Variants in PLAC8 observed in about 807,000 individuals in gnomAD.
PLAC8 encodes placenta-specific gene 8 protein.
A neutral mutation model predicts 12.6 loss-of-function variants in PLAC8; 6 were observed. The ratio of observed to expected loss-of-function variants is 0.48; its 90% CI spans 0.26 to 0.94. PLAC8 has a LOEUF of 0.94. PLAC8 is among the 40% of genes least tolerant of loss of function. The probability of loss-of-function intolerance (pLI) is 0.14; values close to 1 mark genes in which losing one functional copy is unlikely to be tolerated. For missense variants in PLAC8, 122 were observed against 152.7 expected, an observed-to-expected ratio of 0.80 and a Z score of 1.06; for synonymous variants, 54 against 52.6, an observed-to-expected ratio of 1.03 and a Z score of -0.11.
intron 3 of PLAC8, among the ~76,000 whole-genome samples, chr4:83,102,415 T>C (rs1407086695): frequency 2.6e-5 from 4 of 152,248 alleles, no homozygotes; most frequent in African/African-American, 9.6e-5. Context: ...GCTGCACATC[T>C]ATAGCCCCAG....
chr4:83,106,063 G>A (rs969404152), intron 2 of PLAC8, among the ~76,000 whole-genome samples: 8 of 151,468 alleles, frequency 5.3e-5, no homozygotes, highest in Non-Finnish European at 8.8e-5. Context: ...GCAATGGTGC[G>A]ATCTTAGCTC....
intron 4 of PLAC8, among the ~76,000 whole-genome samples, chr4:83,092,663 T>C (rs1731832236): frequency 6.6e-6 from 1 of 152,132 alleles, no homozygotes; most frequent in Non-Finnish European, 1.5e-5. Context: ...TTAAAATCTT[T>C]TATTTTTCGT....
chr4:83,099,118 A>G (rs892113189), intron 3 of PLAC8, among the ~76,000 whole-genome samples: 3 of 152,168 alleles, frequency 2.0e-5, no homozygotes, highest in African/African-American at 7.2e-5. Flanking sequence ...CCACAGAAGT[A>G]AATTTCCTTG....
intron 3 of PLAC8, among the ~76,000 whole-genome samples, chr4:83,099,249 T>C (rs1304404341): frequency 1.4e-5 from 2 of 147,456 alleles, no homozygotes; most frequent in Non-Finnish European, 3.0e-5. Context: ...TTTTTTTTTT[T>C]GAGATGGAGT....
At chr4:83,111,875 T>G (rs1732429739) in intron 1 of PLAC8, among the ~76,000 whole-genome samples, 1 of 152,170 alleles carries the variant, frequency 6.6e-6, no homozygotes, top group African/African-American at 2.4e-5. Flanking sequence ...ATCCACTCAG[T>G]GGCCATCTCT....
In PLAC8 at chr4:83,090,432, G is replaced by C. The variant is rs756236715; in HGVS notation, c.*549C>G. ...AATCCCAGCTACTCGGGAGACTGAG[G>C]CAGCAGAATCGCTTGTATCCAGGAG... On this transcript the variant is annotated 3_prime_UTR_variant, in exon 5 of 5. Transcript: ENST00000311507. 4.0e-5 allele frequency: 6 copies of C among 150,706 alleles called. No individual in the cohort carries two copies. The highest frequency in any genetic ancestry group is 8.8e-5 in the Non-Finnish European group (6 of 67,938). The allele number at this position is 150,706 out of a possible 1,614,324, so 9.3% of individuals were successfully genotyped here.
At chr4:83,102,680 T>C (rs1732132618) in intron 3 of PLAC8, among the ~76,000 whole-genome samples, 1 of 152,156 alleles carries the variant, frequency 6.6e-6, no homozygotes, top group Non-Finnish European at 1.5e-5. Flanking sequence ...TAACTACAGA[T>C]GTGGTAGAAA....
chr4:83,097,588 G>A (rs908390289), intron 3 of PLAC8, among the ~76,000 whole-genome samples: 2 of 152,202 alleles, frequency 1.3e-5, no homozygotes, highest in Middle Eastern at 3.4e-3. Flanking sequence ...AGCCATGCCC[G>A]CTAGCTATGC....
intron 4 of PLAC8, among the ~76,000 whole-genome samples, chr4:83,091,349 C>T (rs893156358): frequency 1.9e-4 from 29 of 152,032 alleles, no homozygotes; most frequent in Non-Finnish European, 2.2e-4. Flanking sequence ...TTTTGATGAC[C>T]CTGACAGTTT....
intron 3 of PLAC8, among the ~76,000 whole-genome samples, chr4:83,096,354 G>GCTGAAACT (rs1229291522): frequency 6.6e-6 from 1 of 152,016 alleles, no homozygotes; most frequent in East Asian, 1.9e-4. Flanking sequence ...GCTGCACCTA[G>GCTGAAACT]CTGAAACTAT....
At chr4:83,113,273 C>T (rs1287466364) in intron 1 of PLAC8, among the ~76,000 whole-genome samples, 1 of 152,162 alleles carries the variant, frequency 6.6e-6, no homozygotes, top group Non-Finnish European at 1.5e-5. Context: ...AAACGGTACA[C>T]CTTCCTCCAT....
At chr4:83,098,226 A>G (rs1380567760) in intron 3 of PLAC8, among the ~76,000 whole-genome samples, 13 of 152,176 alleles carry the variant, frequency 8.5e-5, no homozygotes, top group Non-Finnish European at 1.5e-5. Context: ...GCAAAGTGAA[A>G]AGGGTTTGTA....
chr4:83,108,394 A>G (rs924380000), intron 1 of PLAC8, among the ~76,000 whole-genome samples: 1 of 152,052 alleles, frequency 6.6e-6, no homozygotes, highest in Non-Finnish European at 1.5e-5. Context: ...GGAATTCGAG[A>G]CCAGCCTGGC....
Position 83,090,491 on chromosome 4 carries a change from G to GCA in PLAC8, c.*488_*489dup, listed in dbSNP as rs1443175250. On this transcript the variant is annotated 3_prime_UTR_variant, in exon 5 of 5. Transcript: ENST00000311507. ...TGCAGTGAGCTGAGATCACGCCACT[G>GCA]CACTCCAGCCTGGGCAACAGAGCGA... 1 of 124,110 alleles carries GCA rather than the reference G, an allele frequency of 8.1e-6. No homozygotes were observed. The highest frequency in any genetic ancestry group is 1.6e-5 in the Non-Finnish European group (1 of 63,320). The allele number at this position is 124,110 out of a possible 1,614,324, so 7.7% of individuals were successfully genotyped here.
rs1304912674 is a variant in PLAC8 at position 83,092,121 on chromosome 4, TGAG to T, written c.*10-1153_*10-1151del. Reference sequence around the variant, plus strand: ...GTGAGTGATGTAGGGTCCAAGTTGATGAGGAGGAGTCAGGACCGCCAAGGTATT... The same window carrying T: ...GTGAGTGATGTAGGGTCCAAGTTGATGAGGAGTCAGGACCGCCAAGGTATT... On this transcript the variant is annotated intron_variant, in intron 4 of 4. Coordinates refer to ENST00000311507, the MANE Select transcript of PLAC8 (RefSeq NM_016619.3). Among the ~76,000 whole-genome samples, 11 of 152,302 alleles carry T rather than the reference TGAG, an allele frequency of 7.2e-5. No individual in the cohort carries two copies. In the East Asian group the frequency reaches 1.7e-3, roughly 24 times the overall value.
In PLAC8 at chr4:83,104,883, G is replaced by A. The variant is rs1449702981; in HGVS notation, c.243+13C>T. Reference sequence around the variant, plus strand: ...GTGCATATTTGAGTGAGATGGTATGGTAAGAGACTCACAGGGATGCCATAT... The same window carrying A: ...GTGCATATTTGAGTGAGATGGTATGATAAGAGACTCACAGGGATGCCATAT... On this transcript the variant is annotated intron_variant, in intron 3 of 4. Coordinates refer to ENST00000311507, the MANE Select transcript of PLAC8 (RefSeq NM_016619.3). 13 of 1,613,304 alleles carry A rather than the reference G, an allele frequency of 8.1e-6. No homozygotes were observed. The highest frequency in any genetic ancestry group is 2.2e-5 in the East Asian group (1 of 44,894).
chr4:83,092,271 G>A (rs938671901), intron 4 of PLAC8, among the ~76,000 whole-genome samples: 2 of 152,072 alleles, frequency 1.3e-5, no homozygotes, highest in Non-Finnish European at 2.9e-5. Context: ...ATTGTTTCAT[G>A]TATTTATTTA....
rs1407771566 is a variant in PLAC8 at position 83,107,850 on chromosome 4, G to A, written c.72C>T (p.Ser24=). Residue 24 remains serine, a synonymous_variant, in exon 2 of 5, where the codon TCC becomes TCT. Coordinates refer to ENST00000311507, the MANE Select transcript of PLAC8 (RefSeq NM_016619.3). ...AGTCACACATGCCTGTCTGCCAGTT[G>A]GAGTTCTGGGGGGCCGGACCGGGAC... ...GVGPGPAPQN[S]NWQTGMCDCF... 1.2e-5 allele frequency: 19 copies of A among 1,609,222 alleles called. No homozygotes were observed. Among genetic ancestry groups the A allele is most frequent in the Admixed American group, 8.4e-5 (5 of 59,756 alleles).
chr4:83,096,312 A>G (rs1305043928), intron 3 of PLAC8, among the ~76,000 whole-genome samples: 1 of 152,196 alleles, frequency 6.6e-6, no homozygotes, highest in Admixed American at 6.5e-5. Flanking sequence ...CTCCTGAAAA[A>G]GAGTTTCAGG....
Sources: allele counts gnomAD v4.1 joint callset (sites outside exome capture counted in the v4.1 genomes callset), GRCh38; gene constraint gnomAD v4.1.1; transcripts MANE v1.5; gene names NCBI Gene and HGNC (gene_info 2026-07-23, HGNC 2026-07-21).